Variants in POLR2J observed in about 807,000 individuals in gnomAD.
POLR2J encodes DNA-directed RNA polymerase II subunit RPB11-a.
In POLR2J, 12 loss-of-function variants were observed where a neutral mutation model predicts 13.4. The ratio of observed to expected loss-of-function variants is 0.90; its 90% confidence interval spans 0.57 to 1.45. The LOEUF (loss-of-function observed/expected upper bound fraction) is 1.45, where lower values mean the gene tolerates loss of function less well. POLR2J is among the 40% of genes most tolerant of loss of function. The pLI is 0.00. For missense variants in POLR2J, 58 were observed against 132.0 expected (o/e 0.44, Z 2.75); for synonymous variants, 31 against 53.6 (o/e 0.58, Z 1.84).
intron 2 of POLR2J, 144 bp downstream of exon 2, chr7:102,476,037 G>C (rs573245973): frequency 0.05 from 27,928 of 556,152 alleles, 547 homozygotes; most frequent in Non-Finnish European, 0.062. Context: ...TTGATAAAAA[G>C]GTACCAAGAT....
chr7:102,473,152 T>G lies in POLR2J; in HGVS notation c.*497A>C, dbSNP rs181911821. 2 of 1,312,336 alleles carry G rather than the reference T, an allele frequency of 1.5e-6. No homozygotes were observed. The highest frequency in any genetic ancestry group is 3.0e-5 in the African/African-American group (2 of 67,570). 81.3% of individuals were successfully genotyped at this position (1,312,336 alleles called of 1,614,324 possible). A position where few individuals can be genotyped will look rare whatever the true frequency, so the allele number is the denominator to read the frequency against. Reference sequence around the variant, plus strand: ...CTTTCAGTGAATATTTTTATTAAACTCTACTGTGGACAAGAAGCCTGTGGA... The same window carrying G: ...CTTTCAGTGAATATTTTTATTAAACGCTACTGTGGACAAGAAGCCTGTGGA... On this transcript the variant is annotated 3_prime_UTR_variant, in exon 4 of 4. Transcript: ENST00000292614.
chr7:102,475,359 C>G (rs1206843383), intron 2 of POLR2J, among the ~76,000 whole-genome samples: 1 of 152,214 alleles, frequency 6.6e-6, no homozygotes, highest in Non-Finnish European at 1.5e-5. Context: ...CTGGCTAGGA[C>G]CTCACTGGTA....
At chr7:102,478,590 G>A (rs1410300876) in intron 1 of POLR2J, among the ~76,000 whole-genome samples, 1 of 151,300 alleles carries the variant, frequency 6.6e-6, no homozygotes, top group Non-Finnish European at 1.5e-5. Context: ...CTGTGTCCGG[G>A]GCAACTTGCT....
Position 102,475,127 on chromosome 7 carries a change from AG to A in POLR2J, c.144-593del, listed in dbSNP as rs1305213680. 6.6e-5 allele frequency among the ~76,000 whole-genome samples: 10 copies of A among 152,218 alleles called. No homozygotes were observed. In the East Asian group the frequency reaches 1.9e-3, roughly 29 times the overall value. On this transcript the variant is annotated intron_variant, in intron 2 of 3. Transcript: ENST00000292614. ...AGGTGGCAACACTGAGCTCAAGAGC[AG>A]GGGAGCAGCAGGGCCCCAGGAGAGC...
At chr7:102,473,806 C>T (rs1798321512) in intron 3 of POLR2J, 122 bp from the exon 4 acceptor site, 1 of 1,513,026 alleles carries the variant, frequency 6.6e-7, no homozygotes. Context: ...CCACACTCCC[C>T]AGGACAGTGG....
At chr7:102,476,133 G>A (rs4729793) in intron 2 of POLR2J, 48 bp downstream of exon 2, 218,542 of 651,314 alleles carry the variant, frequency 0.34, 91,714 homozygotes, top group East Asian at 0.77. Context: ...CTTTGCCCAG[G>A]GGGGCCCATT....
intron 3 of POLR2J, 85 bp from the exon 4 acceptor site, chr7:102,473,769 A>T: frequency 6.3e-7 from 1 of 1,582,630 alleles, no homozygotes; most frequent in South Asian, 1.1e-5. Flanking sequence ...CCCCCCCGCC[A>T]GGCCCTTCCT....
At chr7:102,476,467 C>A (rs1209005047) in intron 1 of POLR2J, among the ~76,000 whole-genome samples, 197 bp from the exon 2 acceptor site, 2 of 150,788 alleles carry the variant, frequency 1.3e-5, no homozygotes, top group Non-Finnish European at 2.9e-5. Flanking sequence ...CCTGCCTGTA[C>A]TAAAAATACA....
Position 102,473,343 on chromosome 7 carries a change from C to T in POLR2J, c.*306G>A. The T allele has an allele frequency of 1.8e-6, 1 of 567,354 alleles. No homozygotes were observed. The highest frequency in any genetic ancestry group is 3.1e-5 in the East Asian group (1 of 32,134). 35.1% of individuals were successfully genotyped at this position (567,354 alleles called of 1,614,324 possible). ...AGCCCCTGGACCCCGGATCTTTGGT[C>T]CAGAATGAATTCATCCCTGCCAGCC... On this transcript the variant is annotated 3_prime_UTR_variant, in exon 4 of 4. Coordinates refer to ENST00000292614, the MANE Select transcript of POLR2J (RefSeq NM_006234.6).
intron 3 of POLR2J, chr7:102,473,981 C>A (rs1479378885): frequency 1.4e-6 from 2 of 1,434,394 alleles, no homozygotes; most frequent in East Asian, 5.0e-5. Flanking sequence ...TTCCCATGCG[C>A]CCTGCCAGGA....
intron 2 of POLR2J, among the ~76,000 whole-genome samples, chr7:102,475,247 G>A (rs1419601470): frequency 6.6e-6 from 1 of 152,362 alleles, no homozygotes; most frequent in East Asian, 1.9e-4. Context: ...CACAGACGGG[G>A]AAAAGCCTGG....
Position 102,473,185 on chromosome 7 carries a change from T to G in POLR2J, c.*464A>C. On this transcript the variant is annotated 3_prime_UTR_variant, in exon 4 of 4. Coordinates refer to ENST00000292614, the MANE Select transcript of POLR2J (RefSeq NM_006234.6). ...GGACAAGAAGCCTGTGGAAAGGTGT[T>G]TCGAGTTATGCAGGAAGAAGTGTTC... 2.9e-6 allele frequency: 3 copies of G among 1,051,614 alleles called. No homozygotes were observed. Among genetic ancestry groups the G allele is most frequent in the Non-Finnish European group, 4.0e-6 (3 of 742,538 alleles). The allele number at this position is 1,051,614 out of a possible 1,614,324, so 65.1% of individuals were successfully genotyped here.
chr7:102,473,827 G>A, intron 3 of POLR2J, 143 bp from the exon 4 acceptor site: 1 of 1,466,294 alleles, frequency 6.8e-7, no homozygotes. Flanking sequence ...AGCAGCCAAA[G>A]GGCCCTCCCA....
Position 102,473,538 on chromosome 7 carries a change from A to ACGTCGGTGTCAGGGTGAGGGGTGGCCAC in POLR2J, c.*110_*111insGTGGCCACCCCTCACCCTGACACCGACG. On this transcript the variant is annotated 3_prime_UTR_variant, in exon 4 of 4. Coordinates refer to ENST00000292614, the MANE Select transcript of POLR2J (RefSeq NM_006234.6). ...CGGTGTCAGGGTGAGGGGTGGCCAC[A>ACGTCGGTGTCAGGGTGAGGGGTGGCCAC]AGGCGGGCCATGGCTGGGACCGGCC... is the stretch of plus-strand genomic sequence containing the variant. 6 of 1,093,346 alleles carry ACGTCGGTGTCAGGGTGAGGGGTGGCCAC rather than the reference A, an allele frequency of 5.5e-6. No homozygotes were observed. The Admixed American group carries it at 1.1e-4, about 21-fold the overall frequency. 67.7% of individuals were successfully genotyped at this position (1,093,346 alleles called of 1,614,324 possible).
intron 1 of POLR2J, 136 bp downstream of exon 1, chr7:102,478,672 T>C: frequency 6.8e-7 from 1 of 1,468,710 alleles, no homozygotes; most frequent in Non-Finnish European, 9.1e-7. Context: ...CGGCCTTAAA[T>C]TTGGCTGACA....
intron 2 of POLR2J, among the ~76,000 whole-genome samples, chr7:102,475,608 C>CA (rs1376522286): frequency 6.6e-6 from 1 of 152,266 alleles, no homozygotes; most frequent in African/African-American, 2.4e-5. Flanking sequence ...GCTGCTCGTT[C>CA]ATTTACAGAA....
At chr7:102,475,164 C>A (rs1207426734) in intron 2 of POLR2J, among the ~76,000 whole-genome samples, 4 of 152,254 alleles carry the variant, frequency 2.6e-5, no homozygotes, top group African/African-American at 7.2e-5. Context: ...TTGGGTGCCC[C>A]ACTGGCTGGG....
At chr7:102,475,646 G>A (rs370693902) in intron 2 of POLR2J, among the ~76,000 whole-genome samples, 22 of 152,132 alleles carry the variant, frequency 1.4e-4, no homozygotes, top group East Asian at 4.0e-4. Flanking sequence ...ATGTAAGGCC[G>A]GGCGCAGTAG....
At chr7:102,477,895 G>A (rs2133287056) in intron 1 of POLR2J, among the ~76,000 whole-genome samples, 2 of 128,246 alleles carry the variant, frequency 1.6e-5, no homozygotes, top group African/African-American at 5.5e-5. Flanking sequence ...GCTCACTGCA[G>A]CCTGGAACTC....
Sources: gnomAD v4.1 joint callset for allele counts (sites outside exome capture counted in the v4.1 genomes callset) on GRCh38, gnomAD v4.1.1 for gene constraint, MANE v1.5 for transcripts, NCBI Gene and HGNC (gene_info 2026-07-23, HGNC 2026-07-21) for gene names.